The following AK9 variants were observed in gnomAD, a reference collection of about 807,000 sequenced individuals.
AK9 encodes the protein adenylate kinase 9.
A neutral mutation model predicts 239.6 loss-of-function variants in AK9; 191 were observed. The ratio of observed to expected loss-of-function variants is 0.80; its 90% CI spans 0.71 to 0.90. The LOEUF (loss-of-function observed/expected upper bound fraction) is 0.90. AK9 is among the 40% of genes least tolerant of loss of function. The pLI is 0.00. For synonymous variants in AK9, 689 were observed against 721.0 expected (o/e 0.96, Z 0.71); for missense variants, 1,995 against 2,214.7 (o/e 0.90, Z 1.99).
At chr6:109,538,870 G>C (rs1782421365) in intron 27 of AK9, among the ~76,000 whole-genome samples, 1 of 152,256 alleles carries the variant, frequency 6.6e-6, no homozygotes. Context: ...ATGAAGCTTA[G>C]TTTGGCTGGA....
At chr6:109,496,931 C>T (rs1246245621) in intron 38 of AK9, among the ~76,000 whole-genome samples, 4 of 152,098 alleles carry the variant, frequency 2.6e-5, no homozygotes, top group Admixed American at 6.5e-5. Context: ...ACTGTGTACA[C>T]AGCATGAGTC....
intron 27 of AK9, among the ~76,000 whole-genome samples, chr6:109,538,888 T>A (rs1051520538): frequency 6.6e-6 from 1 of 152,184 alleles, no homozygotes; most frequent in African/African-American, 2.4e-5. Flanking sequence ...GGATATGAAA[T>A]TCTGGGTTGA....
chr6:109,509,123 C>T, intron 33 of AK9, 56 bp downstream of exon 33: 1 of 1,475,504 alleles, frequency 6.8e-7, no homozygotes, highest in South Asian at 1.3e-5. Context: ...CACGAGCGAG[C>T]AGTTTCTTGA....
chr6:109,646,324 T>A (rs1370558639), intron 8 of AK9, among the ~76,000 whole-genome samples: 2 of 152,006 alleles, frequency 1.3e-5, no homozygotes, highest in Non-Finnish European at 2.9e-5. Flanking sequence ...TTGAACCCAT[T>A]GCAAGGAAGG....
At position 109,662,545 on chromosome 6, in the gene AK9, C is replaced by A. The variant is rs1800571449; in HGVS notation, c.444+6G>T. 2.0e-6 allele frequency: 3 copies of A among 1,507,434 alleles called. No individual in the cohort carries two copies. Among genetic ancestry groups the A allele is most frequent in the South Asian group, 1.4e-5 (1 of 73,432 alleles). The allele number at this position is 1,507,434 out of a possible 1,614,324, so 93.4% of individuals were successfully genotyped here. On this transcript the variant is annotated splice_donor_region_variant and intron_variant, in intron 6 of 40. Transcript: ENST00000424296. ...ACTCTACTAGCAAAACAATTAATAT[C>A]CTTACCTTTATATTGATTATAACAT... is the stretch of plus-strand genomic sequence containing the variant.
chr6:109,651,108 C>T (rs1404684699), intron 8 of AK9, among the ~76,000 whole-genome samples: 1 of 152,062 alleles, frequency 6.6e-6, no homozygotes, highest in Non-Finnish European at 1.5e-5. Context: ...GGAGGGATAG[C>T]ATTAGGAGAT....
At chr6:109,582,726 G>A (rs1789006003) in intron 19 of AK9, among the ~76,000 whole-genome samples, 1 of 152,144 alleles carries the variant, frequency 6.6e-6, no homozygotes, top group Non-Finnish European at 1.5e-5. Flanking sequence ...TGAGAGGATT[G>A]ACTCCAATTT....
At chr6:109,567,733 T>G (rs1300414788) in intron 21 of AK9, among the ~76,000 whole-genome samples, 2 of 70,474 alleles carry the variant, frequency 2.8e-5, no homozygotes, top group Non-Finnish European at 2.5e-5. Flanking sequence ...GGGCCTGTTG[T>G]GGGGTGGGGG....
At chr6:109,613,186 G>A (rs1793781637) in intron 15 of AK9, among the ~76,000 whole-genome samples, 1 of 151,186 alleles carries the variant, frequency 6.6e-6, no homozygotes, top group Non-Finnish European at 1.5e-5. Flanking sequence ...AGAAAATAAT[G>A]ATTTGACTGC....
At chr6:109,582,813 A>G (rs1789016961) in intron 19 of AK9, among the ~76,000 whole-genome samples, 1 of 152,196 alleles carries the variant, frequency 6.6e-6, no homozygotes, top group African/African-American at 2.4e-5. Context: ...GGAAAGAAAG[A>G]GTAATAAACA....
At chr6:109,649,248 C>G (rs1333122485) in intron 8 of AK9, among the ~76,000 whole-genome samples, 8 of 151,830 alleles carry the variant, frequency 5.3e-5, no homozygotes, top group Non-Finnish European at 1.2e-4. Flanking sequence ...CCAGGGCAAT[C>G]AGGCAGGAGA....
In AK9 at chr6:109,535,657, G is replaced by A. The variant is rs557758606; in HGVS notation, c.3351-2187C>T. ...GGCTTTTGTTGCCATTGCTTTTGGT[G>A]TTTTAGACATGAAGTCCTTGCCCAT... On this transcript the variant is annotated intron_variant, in intron 27 of 40. Coordinates refer to ENST00000424296, the MANE Select transcript of AK9 (RefSeq NM_001145128.3). Among the ~76,000 whole-genome samples the A allele has an allele frequency of 8.3e-4, 126 of 152,280 alleles. 2 individuals are homozygous for A. Among genetic ancestry groups the A allele is most frequent in the Admixed American group, 8.2e-3 (126 of 15,288 alleles).
At chr6:109,556,841 G>A (rs754155771) in intron 24 of AK9, among the ~76,000 whole-genome samples, 29 of 151,844 alleles carry the variant, frequency 1.9e-4, no homozygotes, top group Non-Finnish European at 4.1e-4. Flanking sequence ...CTCATGCTGT[G>A]TTTTTCAGCT....
chr6:109,515,554 G>T (rs1448181856), intron 31 of AK9, among the ~76,000 whole-genome samples: 1 of 152,176 alleles, frequency 6.6e-6, no homozygotes, highest in Non-Finnish European at 1.5e-5. Flanking sequence ...CAGATCAATG[G>T]TAGTGTCAAC....
chr6:109,530,831 A>G (rs1781134980), intron 28 of AK9, among the ~76,000 whole-genome samples: 1 of 152,182 alleles, frequency 6.6e-6, no homozygotes, highest in African/African-American at 2.4e-5. Context: ...ACTACCAGAT[A>G]TGGTCTCGAT....
intron 29 of AK9, among the ~76,000 whole-genome samples, chr6:109,517,984 G>A (rs1170510316): frequency 6.6e-6 from 1 of 152,030 alleles, no homozygotes; most frequent in East Asian, 1.9e-4. Context: ...GGGAAGGGAT[G>A]GGGGGTTACA....
intron 17 of AK9, among the ~76,000 whole-genome samples, chr6:109,598,443 T>G (rs1034887002): frequency 1.3e-5 from 2 of 152,210 alleles, no homozygotes; most frequent in Non-Finnish European, 2.9e-5. Context: ...ATGGTGTATA[T>G]GTGCCACATT....
Position 109,516,644 on chromosome 6 carries a change from TAAGG to T in AK9, c.3634-6_3634-3del, listed in dbSNP as rs1425138497. 1 of 1,546,034 alleles carries T rather than the reference TAAGG, an allele frequency of 6.5e-7. No homozygotes were observed. Among genetic ancestry groups the T allele is most frequent in the Non-Finnish European group, 8.7e-7 (1 of 1,144,104 alleles). ...CTCTTCATCATCTCTAACAACATTC[TAAGG>T]AAGAAAATATTCCCTTTTACTATAC... On this transcript the variant is annotated splice_region_variant and splice_polypyrimidine_tract_variant and intron_variant, in intron 29 of 40. Coordinates refer to ENST00000424296, the MANE Select transcript of AK9 (RefSeq NM_001145128.3).
intron 1 of AK9, among the ~76,000 whole-genome samples, chr6:109,683,310 C>T (rs916692869): frequency 1.3e-5 from 2 of 152,140 alleles, no homozygotes; most frequent in African/African-American, 4.8e-5. Context: ...TGGGCAAAAA[C>T]TGGAAGCATT....
Sources: gnomAD v4.1 joint callset for allele counts (sites outside exome capture counted in the v4.1 genomes callset) on GRCh38, gnomAD v4.1.1 for gene constraint, MANE v1.5 for transcripts, NCBI Gene and HGNC (gene_info 2026-07-23, HGNC 2026-07-21) for gene names.